The following ZNF148 variants were observed in gnomAD, a reference collection of about 807,000 sequenced individuals.
ZNF148 encodes Beta-Enolase Repressor Factor-1.
Under a neutral mutation model 67.7 loss-of-function variants are expected in ZNF148, and 7 were observed. The ratio of observed to expected loss-of-function variants is 0.10; its 90% confidence interval spans 0.06 to 0.19. The LOEUF is 0.19. ZNF148 is among the 10% of genes least tolerant of loss of function. The probability of loss-of-function intolerance (pLI) is 1.00; values close to 1 mark genes in which losing one functional copy is unlikely to be tolerated. For missense variants in ZNF148, 583 were observed against 947.1 expected, an observed-to-expected ratio of 0.62 and a Z score of 5.05; for synonymous variants, 333 against 330.7, an observed-to-expected ratio of 1.01 and a Z score of -0.08.
intron 7 of ZNF148, among the ~76,000 whole-genome samples, chr3:125,276,348 T>C (rs988536441): frequency 3.3e-5 from 5 of 152,152 alleles, no homozygotes; most frequent in Non-Finnish European, 7.4e-5. Context: ...ACTAGTAATG[T>C]GCAAAATGAT....
chr3:125,359,511 CAA>C (rs1192964900), intron 1 of ZNF148, among the ~76,000 whole-genome samples: 2 of 152,046 alleles, frequency 1.3e-5, no homozygotes, highest in Non-Finnish European at 2.9e-5. Context: ...TCATTATAGA[CAA>C]AAAAGAAAGT....
chr3:125,325,600 G>A (rs1400669235), intron 2 of ZNF148, among the ~76,000 whole-genome samples: 2 of 151,876 alleles, frequency 1.3e-5, no homozygotes, highest in Non-Finnish European at 2.9e-5. Context: ...CGAGTAGCTG[G>A]GATTACAGGA....
intron 1 of ZNF148, among the ~76,000 whole-genome samples, chr3:125,352,870 A>G (rs1480864385): frequency 6.6e-6 from 1 of 152,222 alleles, no homozygotes; most frequent in Non-Finnish European, 1.5e-5. Context: ...CTCACTATAA[A>G]GCTATAATAA....
At chr3:125,341,001 A>AG (rs1400985609) in intron 1 of ZNF148, among the ~76,000 whole-genome samples, 1 of 150,176 alleles carries the variant, frequency 6.7e-6, no homozygotes, top group African/African-American at 2.4e-5. Flanking sequence ...AAAAAAAAAA[A>AG]AAAAAAAAAA....
chr3:125,345,316 AT>A (rs1941899341), intron 1 of ZNF148, among the ~76,000 whole-genome samples: 1 of 152,190 alleles, frequency 6.6e-6, no homozygotes, highest in Non-Finnish European at 1.5e-5. Flanking sequence ...AAGTCTCAAA[AT>A]TTTTAAATAT....
rs568626471 is a variant in ZNF148, at chr3:125,343,787, G to A, written c.-233-12549C>T. Among the ~76,000 whole-genome samples, 12 of 152,084 alleles carry A rather than the reference G, an allele frequency of 7.9e-5. No individual in the cohort carries two copies. The East Asian group carries it at 1.5e-3, about 20-fold the overall frequency. On this transcript the variant is annotated intron_variant, in intron 1 of 8. Transcript: ENST00000360647. The stretch of plus-strand genomic sequence containing the variant: ...TTGCTACCGCTCACTCTTTGGGTCC[G>A]TGCCATCTTTAAGAGCTGTAACACT...
In ZNF148 at chr3:125,332,812, T is replaced by C. The variant is rs541588577; in HGVS notation, c.-233-1574A>G. On this transcript the variant is annotated intron_variant, in intron 1 of 8. Coordinates refer to ENST00000360647, the MANE Select transcript of ZNF148 (RefSeq NM_021964.3). ...AGTTCTTTGCACAGATACACTCTGC[T>C]AAATTTAATTTGTCTAAAATTCTTC... Among the ~76,000 whole-genome samples, 52 of 152,360 alleles carry C rather than the reference T, an allele frequency of 3.4e-4. No individual in the cohort carries two copies. The South Asian group carries it at 9.5e-3, about 28-fold the overall frequency.
intron 1 of ZNF148, among the ~76,000 whole-genome samples, chr3:125,358,318 AG>A (rs1942431959): frequency 6.6e-6 from 1 of 152,178 alleles, no homozygotes; most frequent in African/African-American, 2.4e-5. Flanking sequence ...ATCTCAAAAA[AG>A]AAAAAGAAAA....
chr3:125,294,454 C>T (rs1939182917), intron 4 of ZNF148, among the ~76,000 whole-genome samples: 1 of 152,200 alleles, frequency 6.6e-6, no homozygotes, highest in South Asian at 2.1e-4. Flanking sequence ...AAAGTTCATG[C>T]AAACTCTACT....
chr3:125,326,822 ATC>A (rs1370388808), intron 2 of ZNF148, among the ~76,000 whole-genome samples: 1 of 146,832 alleles, frequency 6.8e-6, no homozygotes, highest in East Asian at 1.9e-4. Flanking sequence ...AAAGATATAT[ATC>A]TTTTTATATA....
intron 1 of ZNF148, among the ~76,000 whole-genome samples, chr3:125,335,369 C>A (rs1427970224): frequency 7.2e-5 from 11 of 152,084 alleles, no homozygotes; most frequent in Admixed American, 7.2e-4. Context: ...GATAACAAAA[C>A]AAAGGCATGT....
rs757347093 is a variant in ZNF148, at chr3:125,232,326, AC to A, written c.*14del. The stretch of plus-strand genomic sequence containing the variant: ...GTTCTAAAGTGCCAGTATTATTTAC[AC>A]TTTTTTTTTTTTTTTAGCCAAAAGT... On this transcript the variant is annotated 3_prime_UTR_variant, in exon 9 of 9. Transcript: ENST00000360647. The surrounding 1 kb of genome is among the most constrained non-coding windows in gnomAD (Gnocchi z 4.2). 1.4e-5 allele frequency: 21 copies of A among 1,479,622 alleles called. No individual in the cohort carries two copies. The East Asian group carries it at 4.2e-4, about 29-fold the overall frequency. The allele number at this position is 1,479,622 out of a possible 1,614,324, so 91.7% of individuals were successfully genotyped here.
intron 5 of ZNF148, among the ~76,000 whole-genome samples, chr3:125,286,189 T>C (rs913192648): frequency 6.6e-6 from 1 of 151,996 alleles, no homozygotes; most frequent in African/African-American, 2.4e-5. Flanking sequence ...TTCATTAATG[T>C]AAAGAACCCC....
At chr3:125,237,567 G>A (rs1296539419) in intron 7 of ZNF148, among the ~76,000 whole-genome samples, 1 of 152,112 alleles carries the variant, frequency 6.6e-6, no homozygotes, top group Non-Finnish European at 1.5e-5. Flanking sequence ...GGGTGACAGA[G>A]TGAGACCCCA....
At chr3:125,266,944 C>G (rs1434702729) in intron 7 of ZNF148, among the ~76,000 whole-genome samples, 1 of 151,882 alleles carries the variant, frequency 6.6e-6, no homozygotes, top group Non-Finnish European at 1.5e-5. Context: ...ACTAGAAAAT[C>G]TAGAGAATAT....
intron 1 of ZNF148, among the ~76,000 whole-genome samples, chr3:125,359,245 T>C (rs1384511771): frequency 6.6e-6 from 1 of 152,208 alleles, no homozygotes; most frequent in Non-Finnish European, 1.5e-5. Context: ...TAAACAGATG[T>C]AGAAGTTAAG....
chr3:125,303,476 T>A (rs537951416), intron 4 of ZNF148, among the ~76,000 whole-genome samples: 48 of 152,342 alleles, frequency 3.2e-4, no homozygotes, highest in Admixed American at 1.6e-3. Context: ...ATGCCTGAGC[T>A]CTGCCTCCTG....
At chr3:125,363,617 C>T (rs1236316727) in intron 1 of ZNF148, among the ~76,000 whole-genome samples, 4 of 152,134 alleles carry the variant, frequency 2.6e-5, no homozygotes, top group African/African-American at 9.6e-5. Flanking sequence ...TCCTTTTATT[C>T]CCACTATGAC....
At chr3:125,307,309 T>G (rs1418187952) in intron 4 of ZNF148, among the ~76,000 whole-genome samples, 3 of 15,750 alleles carry the variant, frequency 1.9e-4, no homozygotes, top group Non-Finnish European at 3.2e-4. Flanking sequence ...CCATTCATGT[T>G]TTTTTTTTTT....
Sources: gnomAD v4.1 joint callset for allele counts (sites outside exome capture counted in the v4.1 genomes callset) on GRCh38, gnomAD v4.1.1 for gene constraint, Gnocchi (gnomAD v3.1) non-coding constraint, MANE v1.5 for transcripts, NCBI Gene and HGNC (gene_info 2026-07-23, HGNC 2026-07-21) for gene names.